The following COL26A1 variants were observed in gnomAD, a reference collection of about 807,000 sequenced individuals.
COL26A1 encodes collagen alpha-1(XXVI) chain.
COL26A1 carries 41 observed loss-of-function variants against 59.3 expected under a neutral mutation model. The observed-to-expected ratio is 0.69, with a 90% CI of 0.54 to 0.90. The LOEUF is 0.90. Ranked by LOEUF, COL26A1 falls within the 40% of genes least tolerant of loss-of-function variation. COL26A1 has a pLI of 0.00. For missense variants in COL26A1, 612 were observed against 602.3 expected (o/e 1.02, Z -0.17); for synonymous variants, 266 against 256.0 (o/e 1.04, Z -0.37).
At chr7:101,412,676 A>T (rs1313852630) in intron 1 of COL26A1, among the ~76,000 whole-genome samples, 1 of 149,568 alleles carries the variant, frequency 6.7e-6, no homozygotes, top group African/African-American at 2.5e-5. Flanking sequence ...AAGTGGGTAT[A>T]GATATGAGTG....
At chr7:101,385,269 A>G (rs1038406724) in intron 1 of COL26A1, among the ~76,000 whole-genome samples, 5 of 150,176 alleles carry the variant, frequency 3.3e-5, no homozygotes, top group African/African-American at 7.3e-5. Context: ...ACACATATAT[A>G]TGTGTATATA....
chr7:101,423,245 G>A (rs922928600), intron 2 of COL26A1, among the ~76,000 whole-genome samples: 2 of 151,990 alleles, frequency 1.3e-5, no homozygotes, highest in East Asian at 1.9e-4. Context: ...TAGCCTGGGC[G>A]ACAGAGTGAG....
At chr7:101,546,224 G>A (rs550123586) in intron 7 of COL26A1, among the ~76,000 whole-genome samples, 4 of 152,182 alleles carry the variant, frequency 2.6e-5, no homozygotes, top group South Asian at 2.1e-4. Context: ...TAAGTGTCCC[G>A]GCAACTGGGG....
intron 12 of COL26A1, among the ~76,000 whole-genome samples, chr7:101,556,342 G>C (rs1291370039): frequency 6.6e-6 from 1 of 152,228 alleles, no homozygotes; most frequent in African/African-American, 2.4e-5. Flanking sequence ...TACCTCTGCA[G>C]GGCCTGGAGT....
intron 2 of COL26A1, among the ~76,000 whole-genome samples, chr7:101,424,940 A>C (rs1330796733): frequency 2.0e-5 from 3 of 151,976 alleles, no homozygotes; most frequent in Non-Finnish European, 2.9e-5. Context: ...TTATTTTATA[A>C]GGGTCAGGAT....
chr7:101,466,812 G>GTGTGTGTGTT (rs1301354914), intron 3 of COL26A1, among the ~76,000 whole-genome samples: 2 of 118,448 alleles, frequency 1.7e-5, no homozygotes. Flanking sequence ...GTGTGTGTGT[G>GTGTGTGTGTT]TGTGTGTGTG....
intron 2 of COL26A1, among the ~76,000 whole-genome samples, chr7:101,441,805 C>T (rs1045980897): frequency 6.6e-5 from 10 of 152,072 alleles, no homozygotes; most frequent in African/African-American, 9.7e-5. Flanking sequence ...ACAGTGGGGA[C>T]GGCCGAAGGG....
chr7:101,395,258 C>G (rs1418088315), intron 1 of COL26A1, among the ~76,000 whole-genome samples: 1 of 152,166 alleles, frequency 6.6e-6, no homozygotes, highest in East Asian at 1.9e-4. Context: ...AAACCTTATC[C>G]TGAGGAATTC....
intron 3 of COL26A1, among the ~76,000 whole-genome samples, chr7:101,504,135 C>T (rs768555992): frequency 6.6e-6 from 1 of 151,994 alleles, no homozygotes; most frequent in Non-Finnish European, 1.5e-5. Context: ...CAGTCTTACT[C>T]CATCACCCAG....
chr7:101,488,280 CA>C (rs1350708459), intron 3 of COL26A1, among the ~76,000 whole-genome samples: 63 of 116,232 alleles, frequency 5.4e-4, no homozygotes, highest in Admixed American at 9.1e-4. Flanking sequence ...GACTCTGTCT[CA>C]AAAAAAAAAA....
intron 2 of COL26A1, among the ~76,000 whole-genome samples, chr7:101,445,079 G>A (rs1793154767): frequency 6.6e-6 from 1 of 151,318 alleles, no homozygotes; most frequent in Non-Finnish European, 1.5e-5. Context: ...GACCTCAGAT[G>A]ATTCACCCAC....
chr7:101,477,195 T>C (rs1355634027), intron 3 of COL26A1, among the ~76,000 whole-genome samples: 1 of 152,176 alleles, frequency 6.6e-6, no homozygotes, highest in Non-Finnish European at 1.5e-5. Flanking sequence ...TGTATTATAC[T>C]GACTCAGGTA....
chr7:101,369,906 A>G (rs1791144776), intron 1 of COL26A1, among the ~76,000 whole-genome samples: 1 of 152,076 alleles, frequency 6.6e-6, no homozygotes, highest in Non-Finnish European at 1.5e-5. Flanking sequence ...CTTGTTGCCC[A>G]TGCTGGAGTG....
intron 1 of COL26A1, among the ~76,000 whole-genome samples, chr7:101,416,578 G>A (rs1792374581): frequency 7.0e-6 from 1 of 143,354 alleles, no homozygotes; most frequent in Non-Finnish European, 1.6e-5. Context: ...GTCCCTTGTT[G>A]CCTGTTTCTG....
At chr7:101,410,877 A>AT (rs1007994707) in intron 1 of COL26A1, among the ~76,000 whole-genome samples, 54 of 148,296 alleles carry the variant, frequency 3.6e-4, no homozygotes, top group African/African-American at 8.5e-4. Context: ...TTTTTTTCTA[A>AT]TTTTTTTTTG....
chr7:101,419,545 G>A (rs1470664563), intron 1 of COL26A1, among the ~76,000 whole-genome samples: 9 of 152,156 alleles, frequency 5.9e-5, no homozygotes, highest in Non-Finnish European at 1.3e-4. Context: ...TTGGTCGGTT[G>A]GTCGGTTGGC....
chr7:101,505,596 A>T (rs527244509), intron 3 of COL26A1, among the ~76,000 whole-genome samples: 20 of 152,360 alleles, frequency 1.3e-4, no homozygotes, highest in African/African-American at 4.1e-4. Context: ...GTTCGAGGGC[A>T]GGAAGCATCC....
At chr7:101,551,064 G>T (rs1255244607) in intron 9 of COL26A1, 44 bp from the exon 10 acceptor site, 1 of 1,550,746 alleles carries the variant, frequency 6.4e-7, no homozygotes, top group Admixed American at 2.0e-5. Flanking sequence ...TGGAGACTTG[G>T]CCAGGACCGG....
chr7:101,402,930 T>C (rs560260050), intron 1 of COL26A1, among the ~76,000 whole-genome samples: 165 of 151,812 alleles, frequency 1.1e-3, no homozygotes, highest in Non-Finnish European at 2.0e-3. Context: ...ACTGCAGCCT[T>C]GACCTCCGGG....
Sources: gnomAD v4.1 joint callset for allele counts (sites outside exome capture counted in the v4.1 genomes callset) on GRCh38, gnomAD v4.1.1 for gene constraint, MANE v1.5 for transcripts, NCBI Gene and HGNC (gene_info 2026-07-23, HGNC 2026-07-21) for gene names.